Variants in PPP2R3B observed in about 807,000 individuals in gnomAD.
PPP2R3B encodes the protein serine/threonine-protein phosphatase 2A regulatory subunit B'' subunit beta.
A neutral mutation model predicts 72.9 loss-of-function variants in PPP2R3B; 68 were observed. The observed-to-expected ratio is 0.93, with a 90% CI of 0.77 to 1.14. PPP2R3B has a LOEUF of 1.14. Among genes scored for constraint, PPP2R3B ranks in the 50% most tolerant of loss-of-function variants. The probability of loss-of-function intolerance (pLI) is 0.00; values close to 1 mark genes in which losing one functional copy is unlikely to be tolerated. For synonymous variants in PPP2R3B, 466 were observed against 375.8 expected (o/e 1.24, Z -2.78); for missense variants, 1,018 against 842.0 (o/e 1.21, Z -2.59).
intron 7 of PPP2R3B, chrX:345,249 G>A (rs2738357): frequency 0.76 from 518,511 of 678,884 alleles, 199,908 homozygotes; most frequent in Middle Eastern, 0.83. Flanking sequence ...CCTCGGGCCA[G>A]GAGCTTCAGG....
At chrX:370,595 C>G (rs1006384205) in intron 1 of PPP2R3B, among the ~76,000 whole-genome samples, 3 of 152,188 alleles carry the variant, frequency 2.0e-5, no homozygotes, top group African/African-American at 7.2e-5. Context: ...TCTGTGTGGA[C>G]GTTCCCACCC....
rs1293216213 is a variant in PPP2R3B at position 340,955 on chromosome X, GCT to G, written c.1176-17_1176-16del. 6.8e-6 allele frequency: 11 copies of G among 1,606,320 alleles called. No individual in the cohort carries two copies. Among genetic ancestry groups the G allele is most frequent in the South Asian group, 1.1e-5 (1 of 90,796 alleles). Reference sequence around the variant, plus strand: ...AGTACTCGATGCTGCGGCACGGCGAGCTCTGTCAGCCCCTGCCCTGGGCCCTC... The same window carrying G: ...AGTACTCGATGCTGCGGCACGGCGAGCTGTCAGCCCCTGCCCTGGGCCCTC... On this transcript the variant is annotated splice_polypyrimidine_tract_variant and intron_variant, in intron 9 of 12. Coordinates refer to ENST00000390665, the MANE Select transcript of PPP2R3B (RefSeq NM_013239.5).
chrX:335,897 G>A (rs1042325856), intron 12 of PPP2R3B: 1 of 152,222 alleles, frequency 6.6e-6, no homozygotes, highest in African/African-American at 2.4e-5. Context: ...GCTGGGCAGG[G>A]GCTCACACCT....
chrX:386,455 C>G lies in PPP2R3B; in HGVS notation c.237G>C (p.Pro79=). 9.2e-6 allele frequency: 12 copies of G among 1,308,028 alleles called. No individual in the cohort carries two copies. The highest frequency in any genetic ancestry group is 1.1e-5 in the Non-Finnish European group (11 of 1,025,868). 81.0% of individuals were successfully genotyped at this position (1,308,028 alleles called of 1,614,324 possible). Residue 79 remains proline, a synonymous_variant, in exon 1 of 13, where the codon CCG becomes CCC. Coordinates refer to ENST00000390665, the MANE Select transcript of PPP2R3B (RefSeq NM_013239.5). ...CGGCGCCCAGGGGCAGCGCAGGGCC[C>G]GGCCCGGGGGTTCCCGGGGGTTCGA... ...SGLEPPGTPG[P]GPALPLGAAS... is the part of the protein sequence containing the mutation.
intron 1 of PPP2R3B, among the ~76,000 whole-genome samples, chrX:372,235 G>A (rs1267103658): frequency 3.9e-5 from 6 of 152,180 alleles, no homozygotes; most frequent in Middle Eastern, 3.2e-3. Flanking sequence ...CCACTTACAG[G>A]CAAAATGTCA....
intron 7 of PPP2R3B, 136 bp from the exon 8 acceptor site, chrX:342,067 C>G: frequency 9.8e-7 from 1 of 1,017,998 alleles, no homozygotes; most frequent in Non-Finnish European, 1.6e-6. Context: ...CCCCGGGGCC[C>G]CGATGCCCCT....
At position 340,956 on chromosome X, in the gene PPP2R3B, C is replaced by A. The variant is rs778559380; in HGVS notation, c.1176-16G>T. The A allele has an allele frequency of 9.8e-5, 157 of 1,606,788 alleles. No homozygotes were observed. The highest frequency in any genetic ancestry group is 6.7e-5 in the Non-Finnish European group (79 of 1,176,672). Reference sequence around the variant, plus strand: ...GTACTCGATGCTGCGGCACGGCGAGCTCTGTCAGCCCCTGCCCTGGGCCCT... The same window carrying A: ...GTACTCGATGCTGCGGCACGGCGAGATCTGTCAGCCCCTGCCCTGGGCCCT... On this transcript the variant is annotated splice_polypyrimidine_tract_variant and intron_variant, in intron 9 of 12. Coordinates refer to ENST00000390665, the MANE Select transcript of PPP2R3B (RefSeq NM_013239.5).
chrX:364,085 G>A lies in PPP2R3B; in HGVS notation c.325-2495C>T, dbSNP rs781765932. 3.9e-5 allele frequency among the ~76,000 whole-genome samples: 6 copies of A among 152,380 alleles called. No individual in the cohort carries two copies. The South Asian group carries it at 1.0e-3, about 26-fold the overall frequency. Reference sequence around the variant, plus strand: ...CTGAACAGGCTCTGCCTTCAGAAGCGTGGGCCGAGCGGGCTCACCCGAAAT... The same window carrying A: ...CTGAACAGGCTCTGCCTTCAGAAGCATGGGCCGAGCGGGCTCACCCGAAAT... On this transcript the variant is annotated intron_variant, in intron 1 of 12. Coordinates refer to ENST00000390665, the MANE Select transcript of PPP2R3B (RefSeq NM_013239.5).
intron 2 of PPP2R3B, among the ~76,000 whole-genome samples, chrX:352,987 G>A (rs2071361840): frequency 6.6e-6 from 1 of 151,400 alleles, no homozygotes; most frequent in African/African-American, 2.4e-5. Context: ...TGTTGGAGCA[G>A]GGCTCTGCTG....
chrX:354,133 T>C (rs866875512), intron 2 of PPP2R3B, among the ~76,000 whole-genome samples: 178 of 77,900 alleles, frequency 2.3e-3, no homozygotes, highest in African/African-American at 2.4e-3. Flanking sequence ...ACCCAAAGAC[T>C]GGGGGCTCAC....
chrX:338,565 A>G (rs748521897), intron 12 of PPP2R3B, 39 bp downstream of exon 12: 18 of 1,376,664 alleles, frequency 1.3e-5, no homozygotes, highest in Admixed American at 1.3e-4. Context: ...CCGTCCTCCC[A>G]CTGACCCGTC....
chrX:379,364 ATGTG>A (rs760627043), intron 1 of PPP2R3B, among the ~76,000 whole-genome samples: 11 of 148,834 alleles, frequency 7.4e-5, no homozygotes, highest in Non-Finnish European at 1.3e-4. Flanking sequence ...GTATGCACCT[ATGTG>A]TGTATGTACC....
At position 386,369 on chromosome X, in the gene PPP2R3B, A is replaced by G. The variant is rs2072249514; in HGVS notation, c.323T>C (p.Val108Ala). ...RGTRRSAGTR[V>A]VQTRKEEPLP... ...TTAGCAGAAGGAAGAGTAACTTACT[A>G]CTCTCGTCCCTGCGGATCTACGGGT... The change falls in exon 1 of 13, where the codon GTA becomes GCA. Residue 108 changes from valine to alanine, a missense_variant and splice_region_variant. By Grantham distance (64) the Val-to-Ala change is moderately conservative. Transcript: ENST00000390665. 7.6e-7 allele frequency: 1 copy of G among 1,315,096 alleles called. No homozygotes were observed. The highest frequency in any genetic ancestry group is 9.7e-7 in the Non-Finnish European group (1 of 1,025,894). 81.5% of individuals were successfully genotyped at this position (1,315,096 alleles called of 1,614,324 possible).
At chrX:380,064 C>T (rs1032868707) in intron 1 of PPP2R3B, among the ~76,000 whole-genome samples, 26 of 152,222 alleles carry the variant, frequency 1.7e-4, no homozygotes, top group Non-Finnish European at 3.7e-4. Context: ...CACCTCATAC[C>T]ACGCAGAAAA....
intron 1 of PPP2R3B, 40 bp from the exon 2 acceptor site, chrX:361,630 G>A (rs750816493): frequency 8.7e-6 from 14 of 1,603,916 alleles, no homozygotes; most frequent in African/African-American, 2.7e-5. Context: ...GAACCTGGGA[G>A]CATCGAACGC....
chrX:352,830 G>A (rs1250206800), intron 2 of PPP2R3B, among the ~76,000 whole-genome samples: 3 of 151,396 alleles, frequency 2.0e-5, no homozygotes, highest in Non-Finnish European at 4.4e-5. Context: ...AGGACGATCT[G>A]CAGACACGTA....
intron 1 of PPP2R3B, among the ~76,000 whole-genome samples, chrX:383,834 T>C (rs1353729822): frequency 1.4e-4 from 6 of 41,758 alleles, no homozygotes; most frequent in African/African-American, 4.7e-4. Flanking sequence ...CGAGACTCCG[T>C]CTCAAAAAAA....
At chrX:346,629 G>A in intron 5 of PPP2R3B, 72 bp downstream of exon 5, 9 of 1,423,352 alleles carry the variant, frequency 6.3e-6, no homozygotes, top group African/African-American at 2.8e-5. Context: ...GTCCGCAGAA[G>A]CCCCGCGGCG....
chrX:346,586 G>C, intron 5 of PPP2R3B, 115 bp downstream of exon 5: 1 of 1,025,006 alleles, frequency 9.8e-7, no homozygotes, highest in Non-Finnish European at 1.4e-6. Context: ...CGCCTCCTCC[G>C]GAAGCTCAGG....
Sources: gnomAD v4.1 joint callset for allele counts (sites outside exome capture counted in the v4.1 genomes callset) on GRCh38, gnomAD v4.1.1 for gene constraint, MANE v1.5 for transcripts, NCBI Gene and HGNC (gene_info 2026-07-23, HGNC 2026-07-21) for gene names.